The following ATF2 variants were observed in gnomAD, a reference collection of about 807,000 sequenced individuals.
ATF2 encodes cyclic AMP-dependent transcription factor ATF-2.
ATF2 carries 24 observed loss-of-function variants against 60.6 expected under a neutral mutation model. The ratio of observed to expected loss-of-function variants is 0.40; its 90% confidence interval spans 0.29 to 0.56. ATF2 has a LOEUF of 0.56. Ranked by LOEUF, ATF2 falls within the 20% of genes least tolerant of loss-of-function variation. The pLI, the probability that ATF2 is intolerant of heterozygous loss-of-function variation, is 0.54. For missense variants in ATF2, 433 were observed against 607.7 expected (o/e 0.71, Z 3.02); for synonymous variants, 206 against 215.4 (o/e 0.96, Z 0.38).
chr2:175,073,299 C>T lies in ATF2; in HGVS notation c.*1310G>A, dbSNP rs532941648. ...ATGATTGGATAATGAGAAAAATGTA[C>T]CTACAATCATCTCATCAGAAACAAG... On this transcript the variant is annotated 3_prime_UTR_variant, in exon 14 of 14. Transcript: ENST00000264110. The T allele has an allele frequency of 2.6e-5, 4 of 151,888 alleles. No individual in the cohort carries two copies. In the East Asian group the frequency reaches 5.8e-4, roughly 22 times the overall value. 9.4% of individuals were successfully genotyped at this position (151,888 alleles called of 1,614,324 possible).
chr2:175,133,193 C>T (rs1697869260), intron 3 of ATF2, among the ~76,000 whole-genome samples: 1 of 152,010 alleles, frequency 6.6e-6, no homozygotes, highest in Non-Finnish European at 1.5e-5. Context: ...ATAAACAAGG[C>T]AGTCATGAAG....
At chr2:175,128,781 T>C (rs972282860) in intron 4 of ATF2, among the ~76,000 whole-genome samples, 3 of 151,974 alleles carry the variant, frequency 2.0e-5, no homozygotes, top group African/African-American at 4.8e-5. Flanking sequence ...AAAAGAAGCC[T>C]CTGACAAGGA....
At chr2:175,148,290 G>C (rs1459372192) in intron 2 of ATF2, among the ~76,000 whole-genome samples, 3 of 152,054 alleles carry the variant, frequency 2.0e-5, no homozygotes, top group African/African-American at 7.2e-5. Context: ...ATCCTGGAGA[G>C]GGCCCTGAAA....
chr2:175,083,320 T>C (rs1011805682), intron 12 of ATF2, among the ~76,000 whole-genome samples: 9 of 152,124 alleles, frequency 5.9e-5, no homozygotes, highest in African/African-American at 1.2e-4. Flanking sequence ...TGGAACAGAA[T>C]AGAGCCCTCA....
At chr2:175,076,464 A>G (rs914971217) in intron 13 of ATF2, among the ~76,000 whole-genome samples, 3 of 152,138 alleles carry the variant, frequency 2.0e-5, no homozygotes, top group Admixed American at 1.3e-4. Flanking sequence ...ACATGGGTAT[A>G]TTGTGCAATC....
At position 175,073,330 on chromosome 2, in the gene ATF2, T is replaced by A. The variant is rs1002091114; in HGVS notation, c.*1279A>T. On this transcript the variant is annotated 3_prime_UTR_variant, in exon 14 of 14. Coordinates refer to ENST00000264110, the MANE Select transcript of ATF2 (RefSeq NM_001880.4). ...ATCATCTCATCAGAAACAAGCTACA[T>A]CATGGAATGTTAGTTATCCAAGCCT... 6.6e-6 allele frequency: 1 copy of A among 152,070 alleles called. No individual in the cohort carries two copies. The highest frequency in any genetic ancestry group is 1.5e-5 in the Non-Finnish European group (1 of 68,016). The allele number at this position is 152,070 out of a possible 1,614,324, so 9.4% of individuals were successfully genotyped here.
At chr2:175,145,700 T>C (rs1372996442) in intron 2 of ATF2, among the ~76,000 whole-genome samples, 2 of 152,158 alleles carry the variant, frequency 1.3e-5, no homozygotes, top group Non-Finnish European at 2.9e-5. Context: ...ATGGGTCTTG[T>C]AGTGGAAATA....
chr2:175,083,588 A>G (rs191855215), intron 12 of ATF2, among the ~76,000 whole-genome samples: 1 of 152,226 alleles, frequency 6.6e-6, no homozygotes, highest in East Asian at 1.9e-4. Context: ...GCATGGGCAA[A>G]GACTTCATGT....
chr2:175,155,869 TA>T (rs1243170227), intron 1 of ATF2, among the ~76,000 whole-genome samples: 1 of 152,188 alleles, frequency 6.6e-6, no homozygotes, highest in Non-Finnish European at 1.5e-5. Context: ...ACAGAAATTA[TA>T]TTTTTTTCAA....
intron 12 of ATF2, among the ~76,000 whole-genome samples, chr2:175,085,959 T>C (rs1694141988): frequency 1.3e-5 from 2 of 152,214 alleles, no homozygotes; most frequent in South Asian, 4.1e-4. Flanking sequence ...CACATTCTTA[T>C]ATATAAATTT....
chr2:175,164,775 C>T (rs1268862725), intron 1 of ATF2, among the ~76,000 whole-genome samples: 1 of 152,170 alleles, frequency 6.6e-6, no homozygotes, highest in East Asian at 1.9e-4. Context: ...AGTTCTTAGC[C>T]TTGAGGAACA....
rs749947552 is a variant in ATF2 at position 175,114,737 on chromosome 2, G to A, written c.579C>T (p.Thr193=). The A allele has an allele frequency of 6.2e-7, 1 of 1,614,002 alleles. No homozygotes were observed. Among genetic ancestry groups the A allele is most frequent in the Non-Finnish European group, 8.5e-7 (1 of 1,179,914 alleles). The change falls in exon 8 of 14, where the codon ACC becomes ACT. Residue 193 remains threonine, a synonymous_variant. Coordinates refer to ENST00000264110, the MANE Select transcript of ATF2 (RefSeq NM_001880.4). ...GTGCCTGGGTGATTACAGTACTTGA[G>A]GTTGGTGAAGGTACTGCCTGCTGAA... ...VIIQQAVPSP[T]SSTVITQAPS... is the part of the protein sequence containing the mutation.
At chr2:175,135,027 A>T (rs1000667223) in intron 3 of ATF2, among the ~76,000 whole-genome samples, 9 of 148,166 alleles carry the variant, frequency 6.1e-5, no homozygotes, top group African/African-American at 2.2e-4. Context: ...AAAAAAAAAA[A>T]AAAAAGACCA....
chr2:175,166,822 T>G (rs1167246033), intron 1 of ATF2, among the ~76,000 whole-genome samples: 2 of 152,228 alleles, frequency 1.3e-5, no homozygotes, highest in African/African-American at 4.8e-5. Flanking sequence ...ATATCTTAAA[T>G]GCATGCATTG....
chr2:175,079,451 T>C (rs184629277), intron 13 of ATF2, among the ~76,000 whole-genome samples: 203 of 152,200 alleles, frequency 1.3e-3, no homozygotes, highest in African/African-American at 4.3e-3. Context: ...CCTGAAGCAA[T>C]CATTGTTAAT....
chr2:175,113,887 A>G, intron 9 of ATF2, 107 bp downstream of exon 9: 1 of 930,274 alleles, frequency 1.1e-6, no homozygotes, highest in Non-Finnish European at 1.7e-6. Context: ...ACTGCTAATC[A>G]ATATTATGTT....
At position 175,136,481 on chromosome 2, in the gene ATF2, A is replaced by G; in HGVS notation, c.-38T>C. On this transcript the variant is annotated 5_prime_UTR_variant, in exon 3 of 14. Transcript: ENST00000264110. ...TTATCACATTCTTTTTCTCATGGCA[A>G]GAATACTGAAAAACAAAGTGGTTTC... The G allele has an allele frequency of 6.3e-7, 1 of 1,578,708 alleles. No homozygotes were observed. Among genetic ancestry groups the G allele is most frequent in the South Asian group, 1.1e-5 (1 of 87,498 alleles).
intron 10 of ATF2, among the ~76,000 whole-genome samples, chr2:175,100,305 T>G (rs911781661): frequency 2.0e-5 from 3 of 152,238 alleles, no homozygotes; most frequent in Non-Finnish European, 4.4e-5. Context: ...GTCAGTTTCC[T>G]TATTTCTTTT....
intron 4 of ATF2, among the ~76,000 whole-genome samples, chr2:175,127,909 C>T (rs1477906989): frequency 1.3e-5 from 2 of 152,128 alleles, no homozygotes; most frequent in Non-Finnish European, 2.9e-5. Context: ...TAAACCCTCA[C>T]CAGAATGACT....
Sources: gnomAD v4.1 joint callset for allele counts (sites outside exome capture counted in the v4.1 genomes callset) on GRCh38, gnomAD v4.1.1 for gene constraint, MANE v1.5 for transcripts, NCBI Gene and HGNC (gene_info 2026-07-23, HGNC 2026-07-21) for gene names.